Variants in BAZ1A observed in about 807,000 individuals in gnomAD.
BAZ1A encodes bromodomain adjacent to zinc finger domain 1A.
A neutral mutation model predicts 185.2 loss-of-function variants in BAZ1A; 50 were observed. The ratio of observed to expected loss-of-function variants is 0.27; its 90% CI spans 0.22 to 0.34. The LOEUF (loss-of-function observed/expected upper bound fraction) is 0.34, where lower values mean the gene tolerates loss of function less well. BAZ1A is among the 10% of genes least tolerant of loss of function. BAZ1A has a pLI of 1.00. For synonymous variants in BAZ1A, 571 were observed against 615.6 expected (o/e 0.93, Z 1.07); for missense variants, 1,356 against 1,839.9 (o/e 0.74, Z 4.81).
At chr14:34,793,928 C>T (rs1438462485) in intron 11 of BAZ1A, among the ~76,000 whole-genome samples, 4 of 148,032 alleles carry the variant, frequency 2.7e-5, no homozygotes, top group African/African-American at 7.5e-5. Context: ...GGCGACAGAG[C>T]GAGACTCCGT....
chr14:34,827,501 C>A (rs1318607385), intron 3 of BAZ1A, among the ~76,000 whole-genome samples: 2 of 151,960 alleles, frequency 1.3e-5, no homozygotes, highest in African/African-American at 2.4e-5. Context: ...TTTGGGAGGC[C>A]GAGGCGGGTG....
At chr14:34,759,985 A>G (rs548710209) in intron 24 of BAZ1A, among the ~76,000 whole-genome samples, 8 of 152,028 alleles carry the variant, frequency 5.3e-5, no homozygotes, top group African/African-American at 1.7e-4. Flanking sequence ...ACAGATCTTA[A>G]TTTTAATATC....
Position 34,866,502 on chromosome 14 carries a change from A to AAAAAAAAAAAG in BAZ1A, c.114-4181_114-4180insCTTTTTTTTTT. ...AACAATATCTCAAAAAAAAAAAAAA[A>AAAAAAAAAAAG]GAAAAAAGTTCTAACTTTTTCCTAT... On this transcript the variant is annotated intron_variant, in intron 2 of 26. Transcript: ENST00000360310. Among the ~76,000 whole-genome samples, 28 of 79,540 alleles carry AAAAAAAAAAAG rather than the reference A, an allele frequency of 3.5e-4. 2 individuals carry two copies. The highest frequency in any genetic ancestry group is 1.8e-3 in the South Asian group (4 of 2,212). 52.2% of individuals were successfully genotyped at this position (79,540 alleles called of 152,430 possible). A position where few individuals can be genotyped will look rare whatever the true frequency, so the allele number is the denominator to read the frequency against.
intron 21 of BAZ1A, among the ~76,000 whole-genome samples, chr14:34,766,860 C>T (rs1231714544): frequency 3.3e-5 from 5 of 152,096 alleles, no homozygotes; most frequent in African/African-American, 9.7e-5. Flanking sequence ...AAGTGAAAGC[C>T]AGCAGAATCA....
intron 2 of BAZ1A, among the ~76,000 whole-genome samples, chr14:34,872,816 G>A (rs1465508785): frequency 7.0e-6 from 1 of 143,434 alleles, no homozygotes; most frequent in African/African-American, 2.6e-5. Flanking sequence ...CGTGGAAGGA[G>A]AAAGCAGTTT....
chr14:34,807,390 C>T, intron 6 of BAZ1A, 61 bp downstream of exon 6: 2 of 1,242,984 alleles, frequency 1.6e-6, no homozygotes, highest in Non-Finnish European at 2.3e-6. Flanking sequence ...AATGTTATAA[C>T]TTTATAACAC....
At chr14:34,866,502 A>AAG in intron 2 of BAZ1A, among the ~76,000 whole-genome samples, 2 of 79,540 alleles carry the variant, frequency 2.5e-5, no homozygotes, top group African/African-American at 3.8e-5. Flanking sequence ...AAAAAAAAAA[A>AAG]GAAAAAAGTT....
intron 24 of BAZ1A, among the ~76,000 whole-genome samples, chr14:34,759,749 A>G (rs1293666954): frequency 6.6e-6 from 1 of 152,060 alleles, no homozygotes; most frequent in Non-Finnish European, 1.5e-5. Context: ...ATCTTGGCTC[A>G]CTGCAACTTC....
At chr14:34,866,887 A>G (rs2042869950) in intron 2 of BAZ1A, among the ~76,000 whole-genome samples, 1 of 152,040 alleles carries the variant, frequency 6.6e-6, no homozygotes, top group Non-Finnish European at 1.5e-5. Context: ...ATAACCCAAT[A>G]TATCACAAAA....
At chr14:34,775,331 G>A (rs1051330550) in intron 18 of BAZ1A, among the ~76,000 whole-genome samples, 10 of 152,178 alleles carry the variant, frequency 6.6e-5, no homozygotes, top group East Asian at 5.8e-4. Flanking sequence ...AATTTAAAAC[G>A]TTTTTAGCTC....
chr14:34,822,569 C>T (rs1310885026), intron 4 of BAZ1A, among the ~76,000 whole-genome samples: 1 of 151,052 alleles, frequency 6.6e-6, no homozygotes, highest in African/African-American at 2.4e-5. Context: ...ACTGAGATCA[C>T]GCCATTGCAC....
At chr14:34,799,212 TATC>T (rs957353676) in intron 9 of BAZ1A, among the ~76,000 whole-genome samples, 2 of 114,088 alleles carry the variant, frequency 1.8e-5, no homozygotes, top group Admixed American at 2.6e-4. Context: ...GGATGGGGAA[TATC>T]ATACACCAGG....
rs531063386 is a variant in BAZ1A, at chr14:34,797,855, A to G, written c.1129-2090T>C. 2.2e-4 allele frequency among the ~76,000 whole-genome samples: 33 copies of G among 152,288 alleles called. No individual in the cohort carries two copies. In the South Asian group the frequency reaches 6.4e-3, roughly 30 times the overall value. ...GGGCGAGCCAAAGCAGGGCGGGCCG[A>G]AGCAGGGCGGGCATCGCCTCACCCG... On this transcript the variant is annotated intron_variant, in intron 9 of 26. Transcript: ENST00000360310.
intron 7 of BAZ1A, among the ~76,000 whole-genome samples, chr14:34,801,659 A>G (rs976836993): frequency 1.3e-5 from 2 of 152,214 alleles, no homozygotes; most frequent in Admixed American, 6.5e-5. Context: ...CTGTGATCCT[A>G]GCATTTTGGG....
Position 34,802,905 on chromosome 14 carries a change from A to C in BAZ1A, c.810T>G (p.Ser270Arg), listed in dbSNP as rs1167191385. Residue 270 changes from serine to arginine, a missense_variant, in exon 7 of 27, where the codon AGT becomes AGG. Ser to Arg is a moderately radical substitution (Grantham distance 110). This residue lies in a region of BAZ1A where 332 missense variants were observed against 395.3 expected (regional missense o/e 0.84). Transcript: ENST00000360310. ...FPDDPPTFIFSPANRRRGRPP... is the reference protein window; with the variant it reads ...FPDDPPTFIFRPANRRRGRPP... ...GTCTCCCTCTTCGTCTGTTAGCAGGACTGAAGATAAATGTGGGTGGATCAT... is the reference window on the plus strand; with the variant it reads ...GTCTCCCTCTTCGTCTGTTAGCAGGCCTGAAGATAAATGTGGGTGGATCAT... 6.2e-7 allele frequency: 1 copy of C among 1,613,330 alleles called. No homozygotes were observed. The highest frequency in any genetic ancestry group is 1.1e-5 in the South Asian group (1 of 91,058).
chr14:34,795,011 C>A, intron 10 of BAZ1A, 124 bp from the exon 11 acceptor site: 1 of 1,292,488 alleles, frequency 7.7e-7, no homozygotes, highest in Admixed American at 2.9e-5. Flanking sequence ...GTTCTCAACC[C>A]TTGCTGTTTA....
Position 34,758,865 on chromosome 14 carries a change from C to T in BAZ1A, c.4244-19G>A, listed in dbSNP as rs763323509. 1.9e-6 allele frequency: 3 copies of T among 1,609,748 alleles called. No homozygotes were observed. Among genetic ancestry groups the T allele is most frequent in the South Asian group, 2.2e-5 (2 of 89,848 alleles). ...GATGGCTCTGAGTAAATAATTACAA[C>T]ATTTTAGGTGATAACAAAGCAAAAT... On this transcript the variant is annotated intron_variant, in intron 24 of 26. Transcript: ENST00000360310.
Position 34,786,887 on chromosome 14 carries a change from C to T in BAZ1A, c.1511-666G>A, listed in dbSNP as rs539949192. Among the ~76,000 whole-genome samples, 258 of 151,796 alleles carry T rather than the reference C, an allele frequency of 1.7e-3. 1 individual carries two copies. Among genetic ancestry groups the T allele is most frequent in the Non-Finnish European group, 2.1e-3 (145 of 67,930 alleles). On this transcript the variant is annotated intron_variant, in intron 12 of 26. Coordinates refer to ENST00000360310, the MANE Select transcript of BAZ1A (RefSeq NM_013448.3). ...CCTCCCAAAGTGCTGGGATTACAGGCGTGAACCATGGTGACCAGCCCTTTT... is the reference window on the plus strand; with the variant it reads ...CCTCCCAAAGTGCTGGGATTACAGGTGTGAACCATGGTGACCAGCCCTTTT...
At chr14:34,871,553 G>C (rs1454358379) in intron 2 of BAZ1A, among the ~76,000 whole-genome samples, 1 of 152,226 alleles carries the variant, frequency 6.6e-6, no homozygotes, top group Non-Finnish European at 1.5e-5. Flanking sequence ...CTGTCTCAAA[G>C]AGTTCAGGTT....
Sources: allele counts gnomAD v4.1 joint callset (sites outside exome capture counted in the v4.1 genomes callset), GRCh38; gene constraint gnomAD v4.1.1; regional missense constraint gnomAD v4.1.1; transcripts MANE v1.5; gene names NCBI Gene and HGNC (gene_info 2026-07-23, HGNC 2026-07-21).